The following BASP1 variants were observed in gnomAD, a reference collection of about 807,000 sequenced individuals.
The protein encoded by BASP1 is brain abundant membrane attached signal protein 1.
A neutral mutation model predicts 2.2 loss-of-function variants in BASP1; 1 was observed. The ratio of observed to expected loss-of-function variants is 0.46; its 90% CI spans 0.16 to 2.17. The LOEUF (loss-of-function observed/expected upper bound fraction) is 2.17, where lower values mean the gene tolerates loss of function less well. BASP1 is among the 30% of genes most tolerant of loss of function. The pLI is 0.27. For missense variants in BASP1, 352 were observed against 327.2 expected (o/e 1.08, Z -0.58); for synonymous variants, 187 against 154.2 (o/e 1.21, Z -1.58).
intron 1 of BASP1, among the ~76,000 whole-genome samples, chr5:17,265,042 G>A (rs1225536120): frequency 6.6e-6 from 1 of 152,204 alleles, no homozygotes; most frequent in South Asian, 2.1e-4. Flanking sequence ...GGCAGTTAAT[G>A]TATGCCAGTG....
chr5:17,254,577 A>G (rs1214817323), intron 1 of BASP1, among the ~76,000 whole-genome samples: 3 of 152,258 alleles, frequency 2.0e-5, no homozygotes, highest in Non-Finnish European at 4.4e-5. Flanking sequence ...GTAAGTTGAT[A>G]AAAGCATTCA....
At chr5:17,268,589 C>G (rs1373969460) in intron 1 of BASP1, among the ~76,000 whole-genome samples, 1 of 152,006 alleles carries the variant, frequency 6.6e-6, no homozygotes, top group African/African-American at 2.4e-5. Context: ...GGATCTGGAC[C>G]CAGTGTGTCC....
Position 17,267,526 on chromosome 5 carries a change from TTTTTGAGACGAAG to T in BASP1, c.-9-7680_-9-7668del, listed in dbSNP as rs1249575479. ...TGTTTGTATTTTTTTTTGCTTTTTT[TTTTTGAGACGAAG>T]TCTTGCTCTGTCACCAGGCCCCAGG... On this transcript the variant is annotated intron_variant, in intron 1 of 1. Transcript: ENST00000322611. 4.2e-4 allele frequency among the ~76,000 whole-genome samples: 64 copies of T among 152,182 alleles called. 1 individual carries two copies. The South Asian group carries it at 0.013, about 31-fold the overall frequency.
At chr5:17,266,134 G>C (rs1740411510) in intron 1 of BASP1, among the ~76,000 whole-genome samples, 1 of 152,192 alleles carries the variant, frequency 6.6e-6, no homozygotes, top group South Asian at 2.1e-4. Flanking sequence ...CAGAATGGAG[G>C]TATGATTTAA....
chr5:17,272,953 A>T (rs1740559302), intron 1 of BASP1, among the ~76,000 whole-genome samples: 1 of 152,142 alleles, frequency 6.6e-6, no homozygotes, highest in Non-Finnish European at 1.5e-5. Flanking sequence ...GCAGCACCCC[A>T]TGTTATACTT....
chr5:17,232,878 T>C (rs1303995574), intron 1 of BASP1, among the ~76,000 whole-genome samples: 1 of 152,202 alleles, frequency 6.6e-6, no homozygotes, highest in East Asian at 1.9e-4. Context: ...TAGTTTTAAC[T>C]AGGATTATTA....
intron 1 of BASP1, among the ~76,000 whole-genome samples, chr5:17,254,815 A>G (rs1740169778): frequency 6.6e-6 from 1 of 152,210 alleles, no homozygotes; most frequent in African/African-American, 2.4e-5. Flanking sequence ...GGCCCAATAT[A>G]AAAACAGAGA....
At position 17,254,288 on chromosome 5, in the gene BASP1, T is replaced by G. The variant is rs543064973; in HGVS notation, c.-9-20920T>G. On this transcript the variant is annotated intron_variant, in intron 1 of 1. Coordinates refer to ENST00000322611, the MANE Select transcript of BASP1 (RefSeq NM_006317.5). ...GCTAACATAATTGTAATTCATCTTT[T>G]GTGTTCATTTTTAAAGTGCCTGTTC... Among the ~76,000 whole-genome samples the G allele has an allele frequency of 7.2e-5, 11 of 152,328 alleles. No individual in the cohort carries two copies. In the South Asian group the frequency reaches 2.1e-3, roughly 29 times the overall value.
chr5:17,241,866 G>A (rs893701080), intron 1 of BASP1, among the ~76,000 whole-genome samples: 1 of 152,178 alleles, frequency 6.6e-6, no homozygotes, highest in Non-Finnish European at 1.5e-5. Flanking sequence ...AAACAAGTAC[G>A]TGGAGCTGGC....
At chr5:17,271,323 TGTTGGCCAG>T in intron 1 of BASP1, among the ~76,000 whole-genome samples, 1 of 152,264 alleles carries the variant, frequency 6.6e-6, no homozygotes, top group African/African-American at 2.4e-5. Flanking sequence ...GGTTTTGCCA[TGTTGGCCAG>T]GTTGATCTTG....
At chr5:17,242,687 C>T (rs1253216305) in intron 1 of BASP1, among the ~76,000 whole-genome samples, 1 of 152,020 alleles carries the variant, frequency 6.6e-6, no homozygotes, top group Non-Finnish European at 1.5e-5. Context: ...TTTGTTACAT[C>T]ATTGTGCTTA....
intron 1 of BASP1, among the ~76,000 whole-genome samples, chr5:17,259,178 T>C (rs1655218901): frequency 1.3e-5 from 2 of 152,164 alleles, no homozygotes; most frequent in African/African-American, 4.8e-5. Flanking sequence ...AGTCATGTCT[T>C]ACATGGATGG....
rs78066472 is a variant in BASP1, at chr5:17,251,466, C to T, written c.-9-23742C>T. 0.015 allele frequency among the ~76,000 whole-genome samples: 2,220 copies of T among 152,278 alleles called. 62 individuals are homozygous for T. The highest frequency in any genetic ancestry group is 0.049 in the African/African-American group (2,025 of 41,544). Reference sequence around the variant, plus strand: ...AAATATATGTTAAAAAGATTTCAGACTCATCTCTCAGCTCTTCCTTCCACA... The same window carrying T: ...AAATATATGTTAAAAAGATTTCAGATTCATCTCTCAGCTCTTCCTTCCACA... On this transcript the variant is annotated intron_variant, in intron 1 of 1. Transcript: ENST00000322611. The surrounding 1 kb of genome is among the most constrained non-coding windows in gnomAD (Gnocchi z 4.0).
At chr5:17,253,382 T>G (rs1381330435) in intron 1 of BASP1, among the ~76,000 whole-genome samples, 2 of 152,116 alleles carry the variant, frequency 1.3e-5, no homozygotes, top group African/African-American at 4.8e-5. Flanking sequence ...AGCTAATTCT[T>G]TGTATTTTTT....
chr5:17,226,151 T>C (rs1739498930), intron 1 of BASP1, among the ~76,000 whole-genome samples: 1 of 152,244 alleles, frequency 6.6e-6, no homozygotes, highest in Non-Finnish European at 1.5e-5. Flanking sequence ...GTAACTTTTA[T>C]TTTCATAATG....
At chr5:17,263,220 A>G (rs1466422206) in intron 1 of BASP1, among the ~76,000 whole-genome samples, 1 of 152,136 alleles carries the variant, frequency 6.6e-6, no homozygotes, top group Non-Finnish European at 1.5e-5. Context: ...GTTGACTTTT[A>G]CAAATTATAT....
intron 1 of BASP1, among the ~76,000 whole-genome samples, chr5:17,226,525 G>A (rs1739510931): frequency 6.6e-6 from 1 of 152,202 alleles, no homozygotes; most frequent in South Asian, 2.1e-4. Context: ...CTGACAGAGA[G>A]AACTAGCTGT....
chr5:17,223,933 C>T (rs184537618), intron 1 of BASP1, among the ~76,000 whole-genome samples: 5 of 152,296 alleles, frequency 3.3e-5, no homozygotes, highest in Admixed American at 2.0e-4. Flanking sequence ...AGATGCCCAC[C>T]GCCTCCATAC....
At chr5:17,263,094 G>A (rs913849614) in intron 1 of BASP1, among the ~76,000 whole-genome samples, 17 of 152,056 alleles carry the variant, frequency 1.1e-4, no homozygotes, top group Admixed American at 2.6e-4. Flanking sequence ...TGATCCGCCC[G>A]CCTTGGCCTC....
Sources: gnomAD v4.1 joint callset for allele counts (sites outside exome capture counted in the v4.1 genomes callset) on GRCh38, gnomAD v4.1.1 for gene constraint, Gnocchi (gnomAD v3.1) non-coding constraint, MANE v1.5 for transcripts, NCBI Gene and HGNC (gene_info 2026-07-23, HGNC 2026-07-21) for gene names.